Variants in SHANK2 observed in about 807,000 individuals in gnomAD.
SHANK2 encodes the protein SH3 and multiple ankyrin repeat domains protein 2.
SHANK2 carries 43 observed loss-of-function variants against 133.7 expected under a neutral mutation model. That is an observed-to-expected ratio of 0.32 (90% CI 0.25 to 0.41). The LOEUF is 0.41. SHANK2 is among the 10% of genes least tolerant of loss of function. The pLI is 1.00. For synonymous variants in SHANK2, 1,017 were observed against 952.8 expected, an observed-to-expected ratio of 1.07 and a Z score of -1.24; for missense variants, 1,994 against 2,235.8, an observed-to-expected ratio of 0.89 and a Z score of 2.18.
In SHANK2 at chr11:70,867,971, T is replaced by C. The variant is rs576954081; in HGVS notation, c.1174+28530A>G. On this transcript the variant is annotated intron_variant, in intron 11 of 25. Transcript: ENST00000601538. ...ATCACTGACTGTGCCTCCCTCTAAA[T>C]TGATCAGTGTCAATTCTGGGCAAAT... Among the ~76,000 whole-genome samples the C allele has an allele frequency of 4.6e-5, 7 of 152,312 alleles. 1 individual carries two copies. Among genetic ancestry groups the C allele is most frequent in the Middle Eastern group, 6.8e-3 (2 of 294 alleles).
At position 71,118,934 on chromosome 11, in the gene SHANK2, G is replaced by A. The variant is rs1952032738; in HGVS notation, c.306C>T (p.Gly102=). 6 of 1,551,740 alleles carry A rather than the reference G, an allele frequency of 3.9e-6. No individual in the cohort carries two copies. The highest frequency in any genetic ancestry group is 5.2e-6 in the Non-Finnish European group (6 of 1,147,006). The change falls in exon 4 of 26, where the codon GGC becomes GGT. Residue 102 remains glycine (G), a synonymous_variant. Transcript: ENST00000601538. ...GCCCATTGCTGGCCGGCTGGAACAG[G>A]CCGTAGTTCAGGACATCTTTCAAAC... ...TQSLKDVLNY[G]LFQPASNGRD... is the part of the protein sequence containing the mutation.
At chr11:70,609,872 T>C (rs1292619208) in intron 17 of SHANK2, among the ~76,000 whole-genome samples, 1 of 141,076 alleles carries the variant, frequency 7.1e-6, no homozygotes, top group Non-Finnish European at 1.6e-5. Flanking sequence ...AATTCGGGCA[T>C]GAAAAGGAAT....
At chr11:70,704,822 C>T (rs1371947617) in intron 14 of SHANK2, among the ~76,000 whole-genome samples, 2 of 152,224 alleles carry the variant, frequency 1.3e-5, no homozygotes, top group African/African-American at 4.8e-5. Context: ...TAATCAAATA[C>T]TTCTGGCTTT....
intron 17 of SHANK2, among the ~76,000 whole-genome samples, chr11:70,554,901 A>T (rs1210891279): frequency 3.7e-5 from 5 of 134,164 alleles, no homozygotes; most frequent in South Asian, 2.5e-4. Flanking sequence ...CGAACATTGC[A>T]TTTTTTTTTT....
intron 3 of SHANK2, among the ~76,000 whole-genome samples, chr11:71,146,328 C>T (rs1353499751): frequency 1.3e-5 from 2 of 152,104 alleles, no homozygotes; most frequent in Non-Finnish European, 2.9e-5. Context: ...GCACACGAAG[C>T]TCCCCTTTAC....
intron 2 of SHANK2, among the ~76,000 whole-genome samples, chr11:71,172,012 G>A (rs1346418674): frequency 6.6e-6 from 1 of 152,204 alleles, no homozygotes; most frequent in Non-Finnish European, 1.5e-5. Flanking sequence ...CAGCAGTAGG[G>A]TGATGGGAAT....
At chr11:71,173,961 T>C (rs1555112676) in intron 2 of SHANK2, among the ~76,000 whole-genome samples, 1 of 152,212 alleles carries the variant, frequency 6.6e-6, no homozygotes, top group Non-Finnish European at 1.5e-5. Flanking sequence ...ATTTCAGACT[T>C]CTGACCTCCA....
intron 15 of SHANK2, among the ~76,000 whole-genome samples, chr11:70,686,562 T>A (rs146831646): frequency 7.9e-5 from 12 of 152,280 alleles, no homozygotes; most frequent in Non-Finnish European, 1.2e-4. Flanking sequence ...CTCTGAGAGC[T>A]GGACATTTGC....
At chr11:70,588,921 C>T (rs1554987427) in intron 17 of SHANK2, among the ~76,000 whole-genome samples, 4 of 152,218 alleles carry the variant, frequency 2.6e-5, no homozygotes, top group African/African-American at 2.4e-5. Context: ...GGGTTCATGC[C>T]ATTCTCCTGC....
chr11:70,531,013 A>AAAAT (rs1193243860), intron 17 of SHANK2, among the ~76,000 whole-genome samples: 21 of 151,804 alleles, frequency 1.4e-4, no homozygotes, highest in Non-Finnish European at 2.6e-4. Context: ...TAAAAATACA[A>AAAAT]AAATAAATAA....
chr11:70,588,599 C>A (rs1469768620), intron 17 of SHANK2, among the ~76,000 whole-genome samples: 3 of 152,188 alleles, frequency 2.0e-5, no homozygotes, highest in Non-Finnish European at 4.4e-5. Context: ...TAACTCTCTG[C>A]AATTCTATGA....
intron 17 of SHANK2, among the ~76,000 whole-genome samples, chr11:70,563,394 A>G (rs2059931833): frequency 1.3e-5 from 2 of 152,200 alleles, no homozygotes; most frequent in South Asian, 2.1e-4. Flanking sequence ...CACACCTACG[A>G]TCTTTCCATG....
At chr11:71,103,833 T>C (rs1233679054) in intron 6 of SHANK2, among the ~76,000 whole-genome samples, 6 of 144,628 alleles carry the variant, frequency 4.1e-5, no homozygotes, top group African/African-American at 1.5e-4. Context: ...CCTCTCTCTC[T>C]CTCCCTCCCT....
chr11:70,630,117 G>A (rs185134166), intron 17 of SHANK2, among the ~76,000 whole-genome samples: 149 of 152,316 alleles, frequency 9.8e-4, no homozygotes, highest in Non-Finnish European at 3.2e-4. Context: ...CACTCAGCTT[G>A]CCCTATGCTA....
intron 25 of SHANK2, chr11:70,477,423 T>G (rs2058677523): frequency 6.6e-6 from 1 of 152,208 alleles, no homozygotes; most frequent in Admixed American, 6.5e-5. Context: ...ACTCACAAGC[T>G]TGTCTTCTCC....
intron 14 of SHANK2, among the ~76,000 whole-genome samples, chr11:70,738,438 G>A (rs1226539315): frequency 2.0e-5 from 3 of 152,192 alleles, no homozygotes; most frequent in African/African-American, 4.8e-5. Context: ...CCAAGGCTCC[G>A]AGCAGTACCG....
chr11:71,161,545 C>T (rs1456080380), intron 2 of SHANK2, among the ~76,000 whole-genome samples: 6 of 152,334 alleles, frequency 3.9e-5, no homozygotes, highest in African/African-American at 1.4e-4. Flanking sequence ...GTCTCCAACC[C>T]CTTATCTTAA....
chr11:70,787,125 TCAC>T (rs1321119835), intron 14 of SHANK2, among the ~76,000 whole-genome samples: 4 of 92,040 alleles, frequency 4.3e-5, no homozygotes, highest in Admixed American at 1.0e-4. Flanking sequence ...ACCACCAGCA[TCAC>T]CACCATCACC....
intron 2 of SHANK2, among the ~76,000 whole-genome samples, chr11:71,166,036 C>T (rs185459623): frequency 5.7e-4 from 87 of 152,262 alleles, no homozygotes; most frequent in African/African-American, 2.0e-3. Flanking sequence ...CAGCCTGGAC[C>T]GACACCAACA....
Sources: allele counts gnomAD v4.1 joint callset (sites outside exome capture counted in the v4.1 genomes callset), GRCh38; gene constraint gnomAD v4.1.1; transcripts MANE v1.5; gene names NCBI Gene and HGNC (gene_info 2026-07-23, HGNC 2026-07-21).